IGF1R: variants seen among roughly 807,000 people sequenced by gnomAD.
The protein encoded by IGF1R is insulin like growth factor 1 receptor, also known as insulin-like growth factor 1 receptor.
A neutral mutation model predicts 144.6 loss-of-function variants in IGF1R; 44 were observed. The observed-to-expected ratio is 0.30, with a 90% CI of 0.24 to 0.39. The LOEUF (loss-of-function observed/expected upper bound fraction) is 0.39. IGF1R is among the 10% of genes least tolerant of loss of function. The pLI is 1.00. For synonymous variants in IGF1R, 795 were observed against 722.8 expected, an observed-to-expected ratio of 1.10 and a Z score of -1.60; for missense variants, 1,355 against 1,833.7, an observed-to-expected ratio of 0.74 and a Z score of 4.77.
chr15:98,787,936 G>A (rs1331903651), intron 2 of IGF1R, among the ~76,000 whole-genome samples: 1 of 152,098 alleles, frequency 6.6e-6, no homozygotes, highest in Non-Finnish European at 1.5e-5. Flanking sequence ...AGAAATGGGG[G>A]TGATGCTTAA....
intron 1 of IGF1R, among the ~76,000 whole-genome samples, chr15:98,665,331 C>T (rs1567064364): frequency 6.6e-6 from 1 of 152,164 alleles, no homozygotes; most frequent in Non-Finnish European, 1.5e-5. Flanking sequence ...CCTTTTCTGT[C>T]CCTGTCTCCC....
rs145275811 is a variant in IGF1R at position 98,703,417 on chromosome 15, G to A, written c.95-4145G>A. Among the ~76,000 whole-genome samples the A allele has an allele frequency of 3.6e-3, 546 of 152,156 alleles. 2 individuals carry two copies. The highest frequency in any genetic ancestry group is 0.013 in the African/African-American group (527 of 41,486). Reference sequence around the variant, plus strand: ...TGTTTGTGGCTTGCGCCTCCTGAACGCTGCTATCATTCATGGTCCAGCTTG... The same window carrying A: ...TGTTTGTGGCTTGCGCCTCCTGAACACTGCTATCATTCATGGTCCAGCTTG... On this transcript the variant is annotated intron_variant, in intron 1 of 20. Transcript: ENST00000650285.
intron 2 of IGF1R, among the ~76,000 whole-genome samples, chr15:98,848,240 C>G (rs927781673): frequency 6.6e-6 from 1 of 152,200 alleles, no homozygotes; most frequent in African/African-American, 2.4e-5. Context: ...ACATATCTTT[C>G]AAACATATGG....
rs2015859607 is a variant in IGF1R at position 98,929,555 on chromosome 15, C to G, written c.2783-3C>G. ...TTTTATCATTTCCTCCTCTTTGCTGCAGCAGGATATGAAAACTTCATCCAT... is the reference window on the plus strand; with the variant it reads ...TTTTATCATTTCCTCCTCTTTGCTGGAGCAGGATATGAAAACTTCATCCAT... On this transcript the variant is annotated splice_region_variant and splice_polypyrimidine_tract_variant and intron_variant, in intron 13 of 20. Coordinates refer to ENST00000650285, the MANE Select transcript of IGF1R (RefSeq NM_000875.5). The G allele has an allele frequency of 1.2e-6, 2 of 1,608,482 alleles. No homozygotes were observed. The highest frequency in any genetic ancestry group is 1.7e-4 in the Middle Eastern group (1 of 6,060).
intron 6 of IGF1R, among the ~76,000 whole-genome samples, chr15:98,910,771 C>G (rs1330520308): frequency 6.6e-6 from 1 of 152,230 alleles, no homozygotes; most frequent in East Asian, 1.9e-4. Flanking sequence ...GGAGGCCTCA[C>G]AGGAGTTCCT....
intron 2 of IGF1R, among the ~76,000 whole-genome samples, chr15:98,721,167 C>A (rs761967268): frequency 6.6e-6 from 1 of 152,174 alleles, no homozygotes; most frequent in African/African-American, 2.4e-5. Context: ...ACTTGATCTT[C>A]CATGAAGCCC....
chr15:98,852,390 C>T (rs1171096563), intron 2 of IGF1R, among the ~76,000 whole-genome samples: 1 of 152,210 alleles, frequency 6.6e-6, no homozygotes, highest in Non-Finnish European at 1.5e-5. Context: ...TACTACTTTC[C>T]ACTCCGAATA....
intron 2 of IGF1R, among the ~76,000 whole-genome samples, chr15:98,751,777 A>G (rs1567110477): frequency 6.6e-6 from 1 of 152,204 alleles, no homozygotes; most frequent in Non-Finnish European, 1.5e-5. Flanking sequence ...TCTAAAGCCT[A>G]TGTGTGAAAT....
intron 2 of IGF1R, among the ~76,000 whole-genome samples, chr15:98,814,493 T>C (rs2056655127): frequency 1.3e-5 from 2 of 152,164 alleles, no homozygotes; most frequent in African/African-American, 4.8e-5. Flanking sequence ...ACTACAGGTA[T>C]GTGCCACTAT....
chr15:98,851,778 C>T (rs548738585), intron 2 of IGF1R, among the ~76,000 whole-genome samples: 2 of 152,316 alleles, frequency 1.3e-5, no homozygotes, highest in East Asian at 3.9e-4. Context: ...GAACTACATC[C>T]TGTGTGGAAA....
intron 2 of IGF1R, among the ~76,000 whole-genome samples, chr15:98,828,774 G>A (rs1006995056): frequency 1.6e-5 from 2 of 123,984 alleles, no homozygotes; most frequent in East Asian, 4.6e-4. Context: ...GCTGAGCATG[G>A]TTTTTTTTTT....
At chr15:98,832,376 A>G (rs1430525725) in intron 2 of IGF1R, among the ~76,000 whole-genome samples, 1 of 152,132 alleles carries the variant, frequency 6.6e-6, no homozygotes, top group Non-Finnish European at 1.5e-5. Context: ...CCAGGAGCTC[A>G]TTATGTTTTT....
At chr15:98,717,767 TA>T (rs2054154177) in intron 2 of IGF1R, among the ~76,000 whole-genome samples, 1 of 152,228 alleles carries the variant, frequency 6.6e-6, no homozygotes, top group African/African-American at 2.4e-5. Context: ...CCATATTTTT[TA>T]AATGCCTCTG....
Position 98,959,854 on chromosome 15 carries a change from T to TAAA in IGF1R, c.*2424_*2426dup. The TAAA allele has an allele frequency of 9.2e-6, 2 of 217,414 alleles. No homozygotes were observed. The highest frequency in any genetic ancestry group is 1.8e-5 in the Non-Finnish European group (2 of 109,986). The allele number at this position is 217,414 out of a possible 1,614,324, so 13.5% of individuals were successfully genotyped here. A position where few individuals can be genotyped will look rare whatever the true frequency, so the allele number is the denominator to read the frequency against. ...TCTCTATCCCATAGCGTGTTCCCTT[T>TAAA]AAAAAAAAAAAAAAGGTATTATATG... is the stretch of plus-strand genomic sequence containing the variant. On this transcript the variant is annotated 3_prime_UTR_variant, in exon 21 of 21. Transcript: ENST00000650285.
intron 1 of IGF1R, among the ~76,000 whole-genome samples, chr15:98,655,523 A>G (rs1410059554): frequency 2.0e-5 from 3 of 152,072 alleles, no homozygotes; most frequent in Admixed American, 6.5e-5. Flanking sequence ...CACAGTAAAT[A>G]CATGTTGAGT....
At chr15:98,779,536 G>T (rs1379127510) in intron 2 of IGF1R, among the ~76,000 whole-genome samples, 2 of 152,196 alleles carry the variant, frequency 1.3e-5, no homozygotes, top group Non-Finnish European at 2.9e-5. Context: ...AGTTGCTCAG[G>T]TTACACCGTC....
intron 2 of IGF1R, among the ~76,000 whole-genome samples, chr15:98,831,505 T>TGA (rs1271744812): frequency 1.3e-5 from 2 of 152,216 alleles, no homozygotes; most frequent in African/African-American, 4.8e-5. Context: ...CTCTTCTCTT[T>TGA]GACGGTGGAG....
chr15:98,676,002 G>A (rs1259788816), intron 1 of IGF1R, among the ~76,000 whole-genome samples: 1 of 150,580 alleles, frequency 6.6e-6, no homozygotes, highest in Non-Finnish European at 1.5e-5. Flanking sequence ...TTTTTTTATT[G>A]TATTTTTAGT....
chr15:98,738,250 G>C (rs551083085), intron 2 of IGF1R, among the ~76,000 whole-genome samples: 15 of 152,220 alleles, frequency 9.9e-5, no homozygotes, highest in Non-Finnish European at 1.8e-4. Flanking sequence ...TGCCCCGGCT[G>C]AACTCAAACT....
Sources: allele counts gnomAD v4.1 joint callset (sites outside exome capture counted in the v4.1 genomes callset), GRCh38; gene constraint gnomAD v4.1.1; transcripts MANE v1.5; gene names NCBI Gene and HGNC (gene_info 2026-07-23, HGNC 2026-07-21).